CD40LG: variants seen among roughly 807,000 people sequenced by gnomAD.
The protein encoded by CD40LG is CD40 ligand.
A neutral mutation model predicts 17.2 loss-of-function variants in CD40LG; 1 was observed. The ratio of observed to expected loss-of-function variants is 0.06; its 90% CI spans 0.02 to 0.28. CD40LG has a LOEUF of 0.28. Among genes scored for constraint, CD40LG ranks in the 10% least tolerant of loss-of-function variants. The probability of loss-of-function intolerance (pLI) is 1.00; values close to 1 mark genes in which losing one functional copy is unlikely to be tolerated. For synonymous variants in CD40LG, 66 were observed against 74.4 expected (o/e 0.89, Z 0.58); for missense variants, 133 against 193.2 (o/e 0.69, Z 1.85).
rs2076094894 is a variant in CD40LG, at chrX:136,648,321, A to G, written c.73A>G (p.Met25Val). ...ACTGCCCATCAGCATGAAAATTTTTATGTATTTACTTACTGTTTTTCTTAT... is the reference window on the plus strand; with the variant it reads ...ACTGCCCATCAGCATGAAAATTTTTGTGTATTTACTTACTGTTTTTCTTAT... Reference protein sequence around the residue: ...TGLPISMKIFMYLLTVFLITQ... With the variant: ...TGLPISMKIFVYLLTVFLITQ... Residue 25 changes from methionine to valine, a missense_variant, in exon 1 of 5, where the codon ATG becomes GTG. By Grantham distance (21) the Met-to-Val change is conservative. Transcript: ENST00000370629. 5 of 1,202,983 alleles carry G rather than the reference A, an allele frequency of 4.2e-6. No homozygotes were observed. Among genetic ancestry groups the G allele is most frequent in the Non-Finnish European group, 5.6e-6 (5 of 887,588 alleles).
Position 136,660,113 on chromosome X carries a change from C to CACACAA in CD40LG, c.*703_*704insAACACA, listed in dbSNP as rs1569378077. 2 of 76,722 alleles carry CACACAA rather than the reference C, an allele frequency of 2.6e-5. No homozygotes were observed. Among genetic ancestry groups the CACACAA allele is most frequent in the African/African-American group, 1.3e-4 (2 of 15,686 alleles). 6.3% of individuals were successfully genotyped at this position (76,722 alleles called of 1,213,427 possible). On this transcript the variant is annotated 3_prime_UTR_variant, in exon 5 of 5. Transcript: ENST00000370629. ...TCTCAATCCCCCTTTCTAACACACA[C>CACACAA]ACACACACACACACACACACACACA...
chrX:136,658,955 T>C (rs1172346592), intron 4 of CD40LG, 84 bp from the exon 5 acceptor site: 21 of 1,054,889 alleles, frequency 2.0e-5, no homozygotes, highest in Non-Finnish European at 2.8e-5. Context: ...AAAGCCAATA[T>C]CCAACATTAA....
intron 2 of CD40LG, among the ~76,000 whole-genome samples, chrX:136,651,505 G>T (rs757725420): frequency 8.9e-6 from 1 of 112,096 alleles, no homozygotes; most frequent in Admixed American, 9.4e-5. Context: ...CACCTACGGA[G>T]AACAGAATGT....
At chrX:136,657,264 A>G in intron 4 of CD40LG, among the ~76,000 whole-genome samples, 1 of 111,845 alleles carries the variant, frequency 8.9e-6, no homozygotes, top group Middle Eastern at 4.6e-3. Flanking sequence ...ACACTGCTTC[A>G]TCTCTGAAGT....
At position 136,659,045 on chromosome X, in the gene CD40LG, A is replaced by T. The variant is rs775289152; in HGVS notation, c.416A>T (p.Gln139Leu). 9.1e-6 allele frequency: 11 copies of T among 1,210,678 alleles called. No individual in the cohort carries two copies. The highest frequency in any genetic ancestry group is 1.2e-5 in the Non-Finnish European group (11 of 894,453). ...TTCCCTTTCTTTGTAACAGTGTTACAGTGGGCTGAAAAAGGATACTACACC... is the reference window on the plus strand; with the variant it reads ...TTCCCTTTCTTTGTAACAGTGTTACTGTGGGCTGAAAAAGGATACTACACC... ...EASSKTTSVL[Q>L]WAEKGYYTMS... Residue 139 changes from glutamine (Q) to leucine (L), a missense_variant, in exon 5 of 5, where the codon CAG (glutamine) becomes CTG (leucine). Physicochemically the swap from Gln to Leu is moderately radical, Grantham distance 113 (BLOSUM62 -2). Coordinates refer to ENST00000370629, the MANE Select transcript of CD40LG (RefSeq NM_000074.3).
rs1469927676 is a variant in CD40LG at position 136,659,478 on chromosome X, G to A, written c.*63G>A. On this transcript the variant is annotated 3_prime_UTR_variant, in exon 5 of 5. Coordinates refer to ENST00000370629, the MANE Select transcript of CD40LG (RefSeq NM_000074.3). Reference sequence around the variant, plus strand: ...GGGAGTCTTCATAATACAGCACAGCGGTTAAGCCCACCCCCTGTTAACTGC... The same window carrying A: ...GGGAGTCTTCATAATACAGCACAGCAGTTAAGCCCACCCCCTGTTAACTGC... 69 of 1,116,981 alleles carry A rather than the reference G, an allele frequency of 6.2e-5. No individual in the cohort carries two copies. Among genetic ancestry groups the A allele is most frequent in the Non-Finnish European group, 7.8e-5 (64 of 820,856 alleles). The allele number at this position is 1,116,981 out of a possible 1,213,427, so 92.1% of individuals were successfully genotyped here.
chrX:136,658,079 G>A (rs766588129), intron 4 of CD40LG, among the ~76,000 whole-genome samples: 79 of 112,000 alleles, frequency 7.1e-4, no homozygotes, highest in Non-Finnish European at 1.2e-3. Context: ...TGGAGGGCCC[G>A]GATCTGTCAG....
intron 1 of CD40LG, among the ~76,000 whole-genome samples, chrX:136,649,693 C>G (rs894393359): frequency 2.7e-5 from 3 of 112,660 alleles, no homozygotes; most frequent in African/African-American, 9.7e-5. Context: ...TTTAATTATT[C>G]TAAGACATTG....
At chrX:136,653,090 A>C in intron 2 of CD40LG, among the ~76,000 whole-genome samples, 1 of 112,362 alleles carries the variant, frequency 8.9e-6, no homozygotes, top group Non-Finnish European at 1.9e-5. Flanking sequence ...TTAGCCTAAA[A>C]GTATCTCAAC....
chrX:136,658,471 T>C (rs763811376), intron 4 of CD40LG, among the ~76,000 whole-genome samples: 34 of 111,759 alleles, frequency 3.0e-4, no homozygotes, highest in African/African-American at 1.0e-3. Context: ...CCTTGCCTAA[T>C]TTTAGTCCTT....
chrX:136,655,223 A>T (rs765950588), intron 3 of CD40LG, among the ~76,000 whole-genome samples: 3 of 111,670 alleles, frequency 2.7e-5, no homozygotes, highest in Non-Finnish European at 5.6e-5. Flanking sequence ...GATATGGAAG[A>T]CAGCAATCAT....
Position 136,656,384 on chromosome X carries a change from T to C in CD40LG, c.375T>C (p.His125=), listed in dbSNP as rs1270831070. The C allele has an allele frequency of 2.5e-6, 3 of 1,208,030 alleles. No homozygotes were observed. Among genetic ancestry groups the C allele is most frequent in the East Asian group, 5.9e-5 (2 of 33,760 alleles). The change falls in exon 4 of 5, where the codon CAT becomes CAC. Residue 125 remains histidine, a synonymous_variant. Transcript: ENST00000370629. ...ATCAGAATCCTCAAATTGCGGCACATGTCATAAGTGAGGCCAGCAGTAAAA... is the reference window on the plus strand; with the variant it reads ...ATCAGAATCCTCAAATTGCGGCACACGTCATAAGTGAGGCCAGCAGTAAAA... ...KGDQNPQIAA[H]VISEASSKTT...
chrX:136,652,015 G>A (rs946086083), intron 2 of CD40LG, among the ~76,000 whole-genome samples: 38 of 111,301 alleles, frequency 3.4e-4, no homozygotes, highest in African/African-American at 1.1e-3. Context: ...ATCAGCTACC[G>A]AGGATAGGAG....
rs1260521642 is a variant in CD40LG, at chrX:136,648,200, C to A, written c.-49C>A. The A allele has an allele frequency of 4.8e-6, 5 of 1,036,690 alleles. No individual in the cohort carries two copies. The highest frequency in any genetic ancestry group is 6.8e-6 in the Non-Finnish European group (5 of 736,443). The allele number at this position is 1,036,690 out of a possible 1,213,427, so 85.4% of individuals were successfully genotyped here. On this transcript the variant is annotated 5_prime_UTR_variant, in exon 1 of 5. Transcript: ENST00000370629. Reference sequence around the variant, plus strand: ...CCACTTTGACAGTCTTCTCATGCTGCCTCTGCCACCTTCTCTGCCAGAAGA... The same window carrying A: ...CCACTTTGACAGTCTTCTCATGCTGACTCTGCCACCTTCTCTGCCAGAAGA...
At chrX:136,656,133 T>C (rs1264599414) in intron 3 of CD40LG, among the ~76,000 whole-genome samples, 1 of 112,271 alleles carries the variant, frequency 8.9e-6, no homozygotes, top group African/African-American at 3.2e-5. Context: ...CGAGTATTGA[T>C]CAACTGTTAG....
chrX:136,654,351 C>T (rs1169183719), intron 2 of CD40LG, 22 bp from the exon 3 acceptor site: 1 of 1,147,259 alleles, frequency 8.7e-7, no homozygotes, highest in South Asian at 1.8e-5. Context: ...AAAATGACCT[C>T]TTGCAATGCT....
rs11575984 is a variant in CD40LG at position 136,659,948 on chromosome X, G to A, written c.*533G>A. 0.13 allele frequency: 5,163 copies of A among 39,634 alleles called. 582 individuals are homozygous for A. The highest frequency in any genetic ancestry group is 0.3 in the African/African-American group (4,556 of 14,986). The allele number at this position is 39,634 out of a possible 1,213,427, so 3.3% of individuals were successfully genotyped here. A position where few individuals can be genotyped will look rare whatever the true frequency, so the allele number is the denominator to read the frequency against. On this transcript the variant is annotated 3_prime_UTR_variant, in exon 5 of 5. Transcript: ENST00000370629. Reference sequence around the variant, plus strand: ...CCCCCCCCCCCCCCGCCACCCTCTCGGACAGTTATTCATTCTCTTTCAATC... The same window carrying A: ...CCCCCCCCCCCCCCGCCACCCTCTCAGACAGTTATTCATTCTCTTTCAATC...
chrX:136,659,514 C>A lies in CD40LG; in HGVS notation c.*99C>A. The A allele has an allele frequency of 1.2e-6, 1 of 847,267 alleles. No homozygotes were observed. The highest frequency in any genetic ancestry group is 2.2e-5 in the South Asian group (1 of 46,309). 69.8% of individuals were successfully genotyped at this position (847,267 alleles called of 1,213,427 possible). On this transcript the variant is annotated 3_prime_UTR_variant, in exon 5 of 5. Coordinates refer to ENST00000370629, the MANE Select transcript of CD40LG (RefSeq NM_000074.3). ...CCCCCTGTTAACTGCCTATTTATAA[C>A]CCTAGGATCCTCCTTATGGAGAACT...
intron 2 of CD40LG, among the ~76,000 whole-genome samples, chrX:136,654,007 T>C (rs1307099969): frequency 8.9e-6 from 1 of 112,130 alleles, no homozygotes; most frequent in African/African-American, 3.2e-5. Context: ...CATATACCAG[T>C]TCCCAGGGTA....
Sources: allele counts gnomAD v4.1 joint callset (sites outside exome capture counted in the v4.1 genomes callset), GRCh38; gene constraint gnomAD v4.1.1; transcripts MANE v1.5; gene names NCBI Gene and HGNC (gene_info 2026-07-23, HGNC 2026-07-21).